MAML2: variants seen among roughly 807,000 people sequenced by gnomAD.
The protein encoded by MAML2 is mastermind like transcriptional coactivator 2.
In MAML2, 22 loss-of-function variants were observed where a neutral mutation model predicts 96.1. The observed-to-expected ratio is 0.23, with a 90% CI of 0.16 to 0.33. MAML2 has a LOEUF of 0.33. Ranked by LOEUF, MAML2 falls within the 10% of genes least tolerant of loss-of-function variation. The probability of loss-of-function intolerance (pLI) is 1.00; values close to 1 mark genes in which losing one functional copy is unlikely to be tolerated. For missense variants in MAML2, 1,367 were observed against 1,392.4 expected (o/e 0.98, Z 0.29); for synonymous variants, 561 against 521.3 (o/e 1.08, Z -1.04).
chr11:96,078,998 T>A (rs952301805), intron 2 of MAML2, among the ~76,000 whole-genome samples: 1 of 152,220 alleles, frequency 6.6e-6, no homozygotes, highest in Admixed American at 6.5e-5. Flanking sequence ...TTTCCACCTG[T>A]AATTCTGAAA....
At chr11:96,316,820 G>A (rs1207061203) in intron 1 of MAML2, among the ~76,000 whole-genome samples, 1 of 151,974 alleles carries the variant, frequency 6.6e-6, no homozygotes, top group Non-Finnish European at 1.5e-5. Flanking sequence ...TGCAGCAGTC[G>A]AGGGGAGAGG....
rs550074410 is a variant in MAML2, at chr11:96,085,240, C to T, written c.2139+6652G>A. 2.4e-3 allele frequency among the ~76,000 whole-genome samples: 361 copies of T among 152,264 alleles called. 1 individual carries two copies. The highest frequency in any genetic ancestry group is 6.8e-3 in the Middle Eastern group (2 of 294). Reference sequence around the variant, plus strand: ...AATGTAAAAGGGTTAAGATGATTCACTGACATTACACTTCTCTGATCCTAC... The same window carrying T: ...AATGTAAAAGGGTTAAGATGATTCATTGACATTACACTTCTCTGATCCTAC... On this transcript the variant is annotated intron_variant, in intron 2 of 4. Coordinates refer to ENST00000524717, the MANE Select transcript of MAML2 (RefSeq NM_032427.4).
Position 95,979,764 on chromosome 11 carries a change from T to C in MAML2, c.2655A>G (p.Ser885=). 1 of 1,614,018 alleles carries C rather than the reference T, an allele frequency of 6.2e-7. No individual in the cohort carries two copies. The highest frequency in any genetic ancestry group is 1.3e-5 in the African/African-American group (1 of 75,052). Residue 885 remains serine, a synonymous_variant, in exon 5 of 5, where the codon TCA becomes TCG. Transcript: ENST00000524717. Reference sequence around the variant, plus strand: ...TCTGTTGGGTCAATTGATTCATTCCTGAAGTGACACTGTATGTGTTAGGTT... The same window carrying C: ...TCTGTTGGGTCAATTGATTCATTCCCGAAGTGACACTGTATGTGTTAGGTT... The part of the protein sequence containing the change: ...CNQPNTYSVT[S]GMNQLTQQRN...
intron 4 of MAML2, among the ~76,000 whole-genome samples, chr11:95,980,251 G>T (rs939570158): frequency 6.6e-6 from 1 of 152,104 alleles, no homozygotes; most frequent in Non-Finnish European, 1.5e-5. Context: ...ATTGAAGGGA[G>T]GTAATAGTCA....
chr11:96,220,734 A>C (rs776358696), intron 1 of MAML2, among the ~76,000 whole-genome samples: 1 of 152,174 alleles, frequency 6.6e-6, no homozygotes, highest in Non-Finnish European at 1.5e-5. Flanking sequence ...TTTCCTTAAC[A>C]GTCAGACATA....
At chr11:96,157,018 A>C (rs1377846227) in intron 1 of MAML2, among the ~76,000 whole-genome samples, 1 of 152,224 alleles carries the variant, frequency 6.6e-6, no homozygotes, top group South Asian at 2.1e-4. Flanking sequence ...TCAGAAGGCA[A>C]AAGGGTTCAA....
intron 1 of MAML2, among the ~76,000 whole-genome samples, chr11:96,252,924 T>C (rs1447039341): frequency 6.6e-6 from 1 of 152,214 alleles, no homozygotes; most frequent in Admixed American, 6.5e-5. Flanking sequence ...TTAAAGGGCG[T>C]AATGGGATCC....
At chr11:96,178,963 G>A (rs1028822384) in intron 1 of MAML2, among the ~76,000 whole-genome samples, 8 of 152,182 alleles carry the variant, frequency 5.3e-5, no homozygotes, top group African/African-American at 1.9e-4. Context: ...ATCATTGCCC[G>A]ATGAAATGGT....
intron 2 of MAML2, among the ~76,000 whole-genome samples, chr11:96,089,548 C>T (rs182986690): frequency 5.9e-5 from 9 of 152,316 alleles, no homozygotes; most frequent in Admixed American, 5.2e-4. Context: ...GCCCTAGAGA[C>T]AATCCCCAGA....
chr11:96,196,271 T>C (rs552235390), intron 1 of MAML2, among the ~76,000 whole-genome samples: 1 of 151,910 alleles, frequency 6.6e-6, no homozygotes, highest in South Asian at 2.1e-4. Flanking sequence ...AAATAGTTCA[T>C]CCCAGTTGCT....
Position 95,979,485 on chromosome 11 carries a change from G to A in MAML2, c.2934C>T (p.Ala978=), listed in dbSNP as rs1420659996. The part of the protein sequence containing the change: ...SQEGTSKQQE[A]LTSAGVRFPT... ...GGAAGCGGACTCCTGCAGACGTCAG[G>A]GCTTCTTGCTGTTTGCTTGTTCCTT... Residue 978 remains alanine (A), a synonymous_variant, in exon 5 of 5, where the codon GCC becomes GCT. Coordinates refer to ENST00000524717, the MANE Select transcript of MAML2 (RefSeq NM_032427.4). 6.2e-7 allele frequency: 1 copy of A among 1,613,598 alleles called. No homozygotes were observed. Among genetic ancestry groups the A allele is most frequent in the Non-Finnish European group, 8.5e-7 (1 of 1,179,762 alleles).
intron 4 of MAML2, among the ~76,000 whole-genome samples, chr11:95,983,381 T>C (rs1013105124): frequency 1.6e-4 from 24 of 152,300 alleles, no homozygotes; most frequent in African/African-American, 5.5e-4. Context: ...GAGAATAGAA[T>C]TGCGGTTTCT....
intron 1 of MAML2, among the ~76,000 whole-genome samples, chr11:96,332,888 C>T (rs1336254481): frequency 6.6e-6 from 1 of 152,188 alleles, no homozygotes; most frequent in East Asian, 1.9e-4. Flanking sequence ...ATATTGTATT[C>T]AATTAAGCTA....
At chr11:96,124,026 G>C (rs897751241) in intron 1 of MAML2, among the ~76,000 whole-genome samples, 11 of 149,890 alleles carry the variant, frequency 7.3e-5, no homozygotes. Flanking sequence ...GCCGAGATCG[G>C]GCCACTATAC....
intron 2 of MAML2, among the ~76,000 whole-genome samples, chr11:96,015,558 T>A (rs1858332521): frequency 1.0e-5 from 1 of 95,930 alleles, no homozygotes; most frequent in South Asian, 4.1e-4. Context: ...AAAATGAAAG[T>A]GCTAAGAAGG....
intron 1 of MAML2, among the ~76,000 whole-genome samples, chr11:96,250,867 G>A (rs1862572579): frequency 6.6e-6 from 1 of 151,990 alleles, no homozygotes; most frequent in Non-Finnish European, 1.5e-5. Context: ...TCTTCATATT[G>A]CAAAAAGAGG....
intron 2 of MAML2, among the ~76,000 whole-genome samples, chr11:96,057,991 T>C (rs887408787): frequency 6.6e-5 from 10 of 152,216 alleles, no homozygotes; most frequent in Admixed American, 2.0e-4. Context: ...CATGAACTCT[T>C]CTAATTTGCA....
At chr11:96,155,509 A>AATACACAT (rs541216405) in intron 1 of MAML2, among the ~76,000 whole-genome samples, 3 of 74,848 alleles carry the variant, frequency 4.0e-5, no homozygotes, top group Non-Finnish European at 7.5e-5. Context: ...TAACAATTCA[A>AATACACAT]ATATATATAT....
chr11:96,084,709 G>A (rs1859580571), intron 2 of MAML2, among the ~76,000 whole-genome samples: 2 of 152,140 alleles, frequency 1.3e-5, no homozygotes, highest in African/African-American at 2.4e-5. Context: ...AGAAAGAACT[G>A]GACAAAGACT....
Sources: gnomAD v4.1 joint callset for allele counts (sites outside exome capture counted in the v4.1 genomes callset) on GRCh38, gnomAD v4.1.1 for gene constraint, MANE v1.5 for transcripts, NCBI Gene and HGNC (gene_info 2026-07-23, HGNC 2026-07-21) for gene names.